The following ZDHHC17 variants were observed in gnomAD, a reference collection of about 807,000 sequenced individuals.
The protein encoded by ZDHHC17 is palmitoyltransferase ZDHHC17.
ZDHHC17 carries 40 observed loss-of-function variants against 90.3 expected under a neutral mutation model. The observed-to-expected ratio is 0.44, with a 90% confidence interval of 0.34 to 0.58. The LOEUF is 0.58. Among genes scored for constraint, ZDHHC17 ranks in the 20% least tolerant of loss-of-function variants. The pLI is 0.01. For synonymous variants in ZDHHC17, 235 were observed against 252.4 expected (o/e 0.93, Z 0.65); for missense variants, 614 against 780.8 (o/e 0.79, Z 2.55).
At chr12:76,810,138 T>C (rs1435811579) in intron 5 of ZDHHC17, among the ~76,000 whole-genome samples, 1 of 152,178 alleles carries the variant, frequency 6.6e-6, no homozygotes, top group East Asian at 1.9e-4. Context: ...GTATCTATTT[T>C]TTCTTTATGT....
Position 76,822,491 on chromosome 12 carries a change from A to T in ZDHHC17, c.857A>T (p.Tyr286Phe). The change falls in exon 8 of 17, where the codon TAT becomes TTT. Residue 286 changes from tyrosine to phenylalanine, a missense_variant. This residue lies in a region of ZDHHC17 where 358 missense variants were observed against 380.4 expected (regional missense o/e 0.94). Transcript: ENST00000426126. The part of the protein sequence containing the change: ...HLQEARQAKG[Y>F]DNPSFLRKLK... ...CAAGAGGCAAGGCAAGCAAAAGGAT[A>T]TGACAATCCGTCCTTCCTTAGAAAG... The T allele has an allele frequency of 6.2e-7, 1 of 1,612,206 alleles. No individual in the cohort carries two copies. The highest frequency in any genetic ancestry group is 2.2e-5 in the East Asian group (1 of 44,804).
In ZDHHC17 at chr12:76,788,209, G is replaced by T. The variant is rs867638666; in HGVS notation, c.94-9225G>T. 2.0e-5 allele frequency among the ~76,000 whole-genome samples: 3 copies of T among 152,210 alleles called. No individual in the cohort carries two copies. The South Asian group carries it at 6.2e-4, about 31-fold the overall frequency. Reference sequence around the variant, plus strand: ...TCCTTGGCAGATGGAAAGAGAGACTGGGGAATTGCATGTTGGCTCTTAAAC... The same window carrying T: ...TCCTTGGCAGATGGAAAGAGAGACTTGGGAATTGCATGTTGGCTCTTAAAC... On this transcript the variant is annotated intron_variant, in intron 1 of 16. Coordinates refer to ENST00000426126, the MANE Select transcript of ZDHHC17 (RefSeq NM_015336.4).
At chr12:76,775,764 CT>C (rs1952551725) in intron 1 of ZDHHC17, among the ~76,000 whole-genome samples, 1 of 152,036 alleles carries the variant, frequency 6.6e-6, no homozygotes, top group African/African-American at 2.4e-5. Flanking sequence ...TCTTTACTTA[CT>C]TTCTTTCTGC....
At chr12:76,782,418 CAGAT>C (rs2137725389) in intron 1 of ZDHHC17, among the ~76,000 whole-genome samples, 1 of 152,264 alleles carries the variant, frequency 6.6e-6, no homozygotes, top group South Asian at 2.1e-4. Flanking sequence ...ATAAATGTAA[CAGAT>C]ATATAAAATA....
At chr12:76,820,112 C>T (rs965949963) in intron 7 of ZDHHC17, among the ~76,000 whole-genome samples, 4 of 151,560 alleles carry the variant, frequency 2.6e-5, no homozygotes, top group Non-Finnish European at 5.9e-5. Context: ...TATCTGGAGT[C>T]CCCCCAGTAG....
intron 16 of ZDHHC17, among the ~76,000 whole-genome samples, chr12:76,850,200 T>G (rs1352406299): frequency 6.6e-6 from 1 of 151,978 alleles, no homozygotes; most frequent in Admixed American, 6.6e-5. Context: ...CTTACCGACG[T>G]GAACCACTGG....
Position 76,815,816 on chromosome 12 carries a change from GGTT to G in ZDHHC17, c.609-28_609-26del, listed in dbSNP as rs777871968. ...TAATGATTTCTATAATTGAAATTAG[GGTT>G]GTTGTTGTTGTTTGTTTTTTTTTTT... On this transcript the variant is annotated intron_variant, in intron 6 of 16. Transcript: ENST00000426126. 205 of 1,438,002 alleles carry G rather than the reference GGTT, an allele frequency of 1.4e-4. 1 individual carries two copies. In the African/African-American group the frequency reaches 1.6e-3, roughly 11 times the overall value. 89.1% of individuals were successfully genotyped at this position (1,438,002 alleles called of 1,614,324 possible).
intron 1 of ZDHHC17, among the ~76,000 whole-genome samples, chr12:76,791,456 A>T (rs1555182167): frequency 6.6e-6 from 1 of 151,962 alleles, no homozygotes; most frequent in Non-Finnish European, 1.5e-5. Flanking sequence ...GGGTGAAATA[A>T]TTTTTTTTAA....
intron 2 of ZDHHC17, among the ~76,000 whole-genome samples, chr12:76,805,030 G>A (rs1004480168): frequency 2.0e-5 from 3 of 152,018 alleles, no homozygotes; most frequent in Admixed American, 6.5e-5. Flanking sequence ...TAAGAGTTTG[G>A]TGGGATAAGT....
chr12:76,828,840 G>A (rs1472209954), intron 10 of ZDHHC17, among the ~76,000 whole-genome samples: 3 of 152,004 alleles, frequency 2.0e-5, no homozygotes, highest in Non-Finnish European at 2.9e-5. Flanking sequence ...GGGGTTACAT[G>A]TGAAGGTTTG....
chr12:76,770,178 C>G (rs1952476715), intron 1 of ZDHHC17, among the ~76,000 whole-genome samples: 1 of 152,102 alleles, frequency 6.6e-6, no homozygotes, highest in Admixed American at 6.5e-5. Flanking sequence ...GTGTCTGGCA[C>G]TTAGTAAACA....
intron 8 of ZDHHC17, 96 bp downstream of exon 8, chr12:76,822,627 TC>T: frequency 1.1e-6 from 1 of 943,856 alleles, no homozygotes; most frequent in Non-Finnish European, 1.6e-6. Flanking sequence ...AGATTTTGGC[TC>T]ACTGCAATCC....
chr12:76,797,942 CA>C (rs1385615295), intron 2 of ZDHHC17, among the ~76,000 whole-genome samples: 2 of 1,120 alleles, frequency 1.8e-3, no homozygotes, highest in Non-Finnish European at 5.2e-3. Context: ...GAAACTCTGC[CA>C]CACACACACA....
chr12:76,844,339 A>G (rs1390058581), intron 12 of ZDHHC17: 1 of 152,292 alleles, frequency 6.6e-6, no homozygotes, highest in Admixed American at 6.5e-5. Flanking sequence ...GGTAGTTGTC[A>G]TTATATGGGT....
chr12:76,792,563 G>C (rs1952771155), intron 1 of ZDHHC17, among the ~76,000 whole-genome samples: 1 of 151,874 alleles, frequency 6.6e-6, no homozygotes, highest in South Asian at 2.1e-4. Flanking sequence ...TCCCATTCCT[G>C]TCTACTATTC....
At chr12:76,782,965 G>C (rs1163318530) in intron 1 of ZDHHC17, among the ~76,000 whole-genome samples, 1 of 152,060 alleles carries the variant, frequency 6.6e-6, no homozygotes, top group African/African-American at 2.4e-5. Flanking sequence ...TGGCCTGCCT[G>C]ACTTAGGTCT....
At chr12:76,793,947 G>A (rs569225906) in intron 1 of ZDHHC17, among the ~76,000 whole-genome samples, 4 of 152,154 alleles carry the variant, frequency 2.6e-5, no homozygotes, top group South Asian at 2.1e-4. Flanking sequence ...GCACAGTGGC[G>A]CGATCGTGGC....
At chr12:76,792,949 A>G (rs1289355769) in intron 1 of ZDHHC17, among the ~76,000 whole-genome samples, 4 of 152,204 alleles carry the variant, frequency 2.6e-5, no homozygotes, top group Admixed American at 1.3e-4. Flanking sequence ...GTTAGAAATC[A>G]CCAACTGACC....
Position 76,815,166 on chromosome 12 carries a change from G to A in ZDHHC17, c.564G>A (p.Gln188=). Residue 188 remains glutamine, a synonymous_variant, in exon 6 of 17, where the codon CAG becomes CAA. Coordinates refer to ENST00000426126, the MANE Select transcript of ZDHHC17 (RefSeq NM_015336.4). ...AKGQDVDMMD[Q]NGMTPLMWAA... ...ATCAGGATGTAGATATGATGGATCA[G>A]AATGGAATGACGCCTTTAATGTGGG... is the stretch of plus-strand genomic sequence containing the variant. The A allele has an allele frequency of 2.6e-6, 4 of 1,565,966 alleles. No individual in the cohort carries two copies. The highest frequency in any genetic ancestry group is 3.5e-6 in the Non-Finnish European group (4 of 1,153,310).
Sources: allele counts gnomAD v4.1 joint callset (sites outside exome capture counted in the v4.1 genomes callset), GRCh38; gene constraint gnomAD v4.1.1; regional missense constraint gnomAD v4.1.1; transcripts MANE v1.5; gene names NCBI Gene and HGNC (gene_info 2026-07-23, HGNC 2026-07-21).